PRRC2C: variants seen among roughly 807,000 people sequenced by gnomAD.
PRRC2C encodes the protein protein PRRC2C.
In PRRC2C, 72 loss-of-function variants were observed where a neutral mutation model predicts 317.2. The observed-to-expected ratio is 0.23, with a 90% confidence interval of 0.19 to 0.28. The LOEUF (loss-of-function observed/expected upper bound fraction) is 0.28. PRRC2C is among the 10% of genes least tolerant of loss of function. PRRC2C has a pLI of 1.00. For synonymous variants in PRRC2C, 1,296 were observed against 1,205.9 expected, an observed-to-expected ratio of 1.07 and a Z score of -1.55; for missense variants, 3,074 against 3,459.7, an observed-to-expected ratio of 0.89 and a Z score of 2.80.
chr1:171,559,446 T>C (rs977997922), intron 19 of PRRC2C, among the ~76,000 whole-genome samples: 1 of 150,560 alleles, frequency 6.6e-6, no homozygotes, highest in African/African-American at 2.4e-5. Flanking sequence ...GCCTGTACTC[T>C]AGAAATGGAA....
chr1:171,576,292 C>T (rs1047046323), intron 25 of PRRC2C, among the ~76,000 whole-genome samples: 5 of 152,120 alleles, frequency 3.3e-5, no homozygotes, highest in African/African-American at 1.2e-4. Flanking sequence ...CTTTGGAACC[C>T]AACTAACCCG....
At chr1:171,494,929 G>A (rs1167818889) in intron 1 of PRRC2C, among the ~76,000 whole-genome samples, 1 of 152,154 alleles carries the variant, frequency 6.6e-6, no homozygotes, top group Non-Finnish European at 1.5e-5. Flanking sequence ...TGGCATGTTA[G>A]TTACATTTTG....
intron 29 of PRRC2C, 83 bp from the exon 30 acceptor site, chr1:171,584,336 A>G: frequency 1.4e-6 from 2 of 1,384,128 alleles, no homozygotes; most frequent in Non-Finnish European, 2.0e-6. Flanking sequence ...ATTGCTAGAC[A>G]TTGCTTTGAA....
At position 171,539,964 on chromosome 1, in the gene PRRC2C, A is replaced by G. The variant is rs1160601330; in HGVS notation, c.2505-7A>G. 6.3e-7 allele frequency: 1 copy of G among 1,587,008 alleles called. No individual in the cohort carries two copies. Among genetic ancestry groups the G allele is most frequent in the East Asian group, 2.2e-5 (1 of 44,742 alleles). ...TTGATTATACCTTTGAATTCTTATC[A>G]TCATAGGTCTGAAGCTGCGTTGGAC... is the stretch of plus-strand genomic sequence containing the variant. On this transcript the variant is annotated splice_polypyrimidine_tract_variant and splice_region_variant and intron_variant, in intron 15 of 34. Coordinates refer to ENST00000647382, the MANE Select transcript of PRRC2C (RefSeq NM_001387844.1).
chr1:171,515,250 G>A (rs946177564), intron 4 of PRRC2C, among the ~76,000 whole-genome samples: 3 of 152,104 alleles, frequency 2.0e-5, no homozygotes, highest in African/African-American at 7.2e-5. Context: ...TAGGAAGTTG[G>A]GTGAATAGTG....
At position 171,532,235 on chromosome 1, in the gene PRRC2C, CAG is replaced by C; in HGVS notation, c.1255-104_1255-103del. On this transcript the variant is annotated intron_variant, in intron 11 of 34. Coordinates refer to ENST00000647382, the MANE Select transcript of PRRC2C (RefSeq NM_001387844.1). ...TTTTCATTTTAATGTGTATGTTCATCAGAGAAATTTCTGATATTTTTGTGGGG... is the reference window on the plus strand; with the variant it reads ...TTTTCATTTTAATGTGTATGTTCATCAGAAATTTCTGATATTTTTGTGGGG... The C allele has an allele frequency of 3.4e-6, 4 of 1,168,668 alleles. 1 individual carries two copies. The South Asian group carries it at 5.0e-5, about 15-fold the overall frequency. 72.4% of individuals were successfully genotyped at this position (1,168,668 alleles called of 1,614,324 possible).
Position 171,515,878 on chromosome 1 carries a change from T to C in PRRC2C, c.526+19T>C. The C allele has an allele frequency of 6.4e-7, 1 of 1,571,258 alleles. No individual in the cohort carries two copies. The highest frequency in any genetic ancestry group is 1.4e-5 in the African/African-American group (1 of 72,830). ...CCACCAAGTAAGAGTACTTTCTCTT[T>C]AATACAAAATGAGATCATATTTGTG... On this transcript the variant is annotated intron_variant, in intron 5 of 34. Transcript: ENST00000647382.
intron 20 of PRRC2C, among the ~76,000 whole-genome samples, chr1:171,565,963 A>G (rs150654208): frequency 6.6e-6 from 1 of 152,202 alleles, no homozygotes; most frequent in Non-Finnish European, 1.5e-5. Context: ...TGAGGAAACA[A>G]CTTGAAGCTG....
At position 171,591,914 on chromosome 1, in the gene PRRC2C, G is replaced by A; in HGVS notation, c.*67G>A. On this transcript the variant is annotated 3_prime_UTR_variant, in exon 35 of 35. Coordinates refer to ENST00000647382, the MANE Select transcript of PRRC2C (RefSeq NM_001387844.1). ...AACATGGAGAATTAAGTCAGATAAT[G>A]CTGGCAGCCAAAGGGGCAAAATGGC... 6.5e-7 allele frequency: 1 copy of A among 1,529,852 alleles called. No individual in the cohort carries two copies. Among genetic ancestry groups the A allele is most frequent in the East Asian group, 2.3e-5 (1 of 43,536 alleles). The allele number at this position is 1,529,852 out of a possible 1,614,324, so 94.8% of individuals were successfully genotyped here. A position where few individuals can be genotyped will look rare whatever the true frequency, so the allele number is the denominator to read the frequency against.
At position 171,591,882 on chromosome 1, in the gene PRRC2C, G is replaced by T; in HGVS notation, c.*35G>T. On this transcript the variant is annotated 3_prime_UTR_variant, in exon 35 of 35. Coordinates refer to ENST00000647382, the MANE Select transcript of PRRC2C (RefSeq NM_001387844.1). ...TTTATTGCAGGGGATTGGGAGGGGGGCGGGAAAACATGGAGAATTAAGTCA... is the reference window on the plus strand; with the variant it reads ...TTTATTGCAGGGGATTGGGAGGGGGTCGGGAAAACATGGAGAATTAAGTCA... 4 of 536,432 alleles carry T rather than the reference G, an allele frequency of 7.5e-6. No homozygotes were observed. Among genetic ancestry groups the T allele is most frequent in the South Asian group, 1.7e-5 (1 of 57,234 alleles). The allele number at this position is 536,432 out of a possible 1,614,324, so 33.2% of individuals were successfully genotyped here.
chr1:171,503,523 CAA>C (rs796466638), intron 1 of PRRC2C, among the ~76,000 whole-genome samples: 9 of 126,334 alleles, frequency 7.1e-5, no homozygotes, highest in Admixed American at 8.1e-5. Context: ...GACTCCATCT[CAA>C]AAAAAAAAAA....
chr1:171,549,957 A>T lies in PRRC2C; in HGVS notation c.4973-129A>T, dbSNP rs187050855. 446 of 619,080 alleles carry T rather than the reference A, an allele frequency of 7.2e-4. 3 individuals carry two copies. The African/African-American group carries it at 7.4e-3, about 10-fold the overall frequency. 38.3% of individuals were successfully genotyped at this position (619,080 alleles called of 1,614,324 possible). On this transcript the variant is annotated intron_variant, in intron 17 of 34. Coordinates refer to ENST00000647382, the MANE Select transcript of PRRC2C (RefSeq NM_001387844.1). ...CAATAGGGTGAGAAATAGGTTATAC[A>T]CTATAAGTTATAGGAACTAGGCCTT...
rs539413131 is a variant in PRRC2C at position 171,515,719 on chromosome 1, T to TA, written c.401-8dup. The TA allele has an allele frequency of 2.4e-4, 378 of 1,570,156 alleles. 2 individuals are homozygous for TA. In the African/African-American group the frequency reaches 3.3e-3, roughly 14 times the overall value. ...ATAAAAGTTACCTTTAATGTTTTTT[T>TA]AAAAAAATCTATAGGAATCCAAGTG... On this transcript the variant is annotated splice_polypyrimidine_tract_variant and intron_variant, in intron 4 of 34. Coordinates refer to ENST00000647382, the MANE Select transcript of PRRC2C (RefSeq NM_001387844.1).
At chr1:171,524,986 TCCTTGTTATTGC>T in intron 10 of PRRC2C, 21 bp downstream of exon 10, 1 of 1,552,618 alleles carries the variant, frequency 6.4e-7, no homozygotes, top group Admixed American at 2.0e-5. Flanking sequence ...CTCATGGAGA[TCCTTGTTATTGC>T]AAGGATCTCC....
At chr1:171,579,687 A>T in intron 27 of PRRC2C, 141 bp from the exon 28 acceptor site, 1 of 1,290,004 alleles carries the variant, frequency 7.8e-7, no homozygotes, top group South Asian at 1.8e-5. Flanking sequence ...AGATGTTTAC[A>T]TTCAGTTTTG....
chr1:171,486,222 A>G (rs1271431497), intron 1 of PRRC2C, among the ~76,000 whole-genome samples: 1 of 150,728 alleles, frequency 6.6e-6, no homozygotes, highest in African/African-American at 2.4e-5. Context: ...GGGACTTGCA[A>G]TGAGCAATGT....
intron 13 of PRRC2C, 122 bp from the exon 14 acceptor site, chr1:171,535,907 C>A: frequency 1.6e-6 from 2 of 1,288,670 alleles, no homozygotes; most frequent in Non-Finnish European, 2.2e-6. Flanking sequence ...CTGTTAAATA[C>A]CTTTTGAACT....
In PRRC2C at chr1:171,584,500, GC is replaced by G; in HGVS notation, c.7726del (p.Gln2576SerfsTer30). Reference sequence around the variant, plus strand: ...TGGTCAGACAAATTTTTATAACACTGCCCAGTCACCAAGTGCTCTCCAGCAG... The same window carrying G: ...TGGTCAGACAAATTTTTATAACACTGCCAGTCACCAAGTGCTCTCCAGCAG... ...QPGQTNFYNTAQSPSALQQVT... is the reference protein window; with the variant it reads ...QPGQTNFYNTXQSPSALQQVT... On this transcript the variant is annotated frameshift_variant, in exon 30 of 35. Coordinates refer to ENST00000647382, the MANE Select transcript of PRRC2C (RefSeq NM_001387844.1). LOFTEE classifies it high-confidence loss of function. The G allele has an allele frequency of 6.3e-7, 1 of 1,590,696 alleles. No individual in the cohort carries two copies.
At chr1:171,506,466 G>A (rs1416224859) in intron 1 of PRRC2C, among the ~76,000 whole-genome samples, 1 of 151,982 alleles carries the variant, frequency 6.6e-6, no homozygotes, top group Non-Finnish European at 1.5e-5. Flanking sequence ...GAGTCTTTTG[G>A]ATCTGGGTTT....
Sources: allele counts gnomAD v4.1 joint callset (sites outside exome capture counted in the v4.1 genomes callset), GRCh38; gene constraint gnomAD v4.1.1; transcripts MANE v1.5; gene names NCBI Gene and HGNC (gene_info 2026-07-23, HGNC 2026-07-21).